RORB: variants seen among roughly 807,000 people sequenced by gnomAD.
RORB encodes nuclear receptor ROR-beta.
In RORB, 6 loss-of-function variants were observed where a neutral mutation model predicts 59.1. The observed-to-expected ratio is 0.10, with a 90% confidence interval of 0.06 to 0.20. The LOEUF (loss-of-function observed/expected upper bound fraction) is 0.20. Among genes scored for constraint, RORB ranks in the 10% least tolerant of loss-of-function variants. The pLI, the probability that RORB is intolerant of heterozygous loss-of-function variation, is 1.00. For synonymous variants in RORB, 215 were observed against 204.5 expected (o/e 1.05, Z -0.44); for missense variants, 320 against 560.5 (o/e 0.57, Z 4.33).
rs568707981 is a variant in RORB at position 74,600,333 on chromosome 9, C to G, written c.8-29949C>G. On this transcript the variant is annotated intron_variant, in intron 1 of 9. Transcript: ENST00000376896. ...TAGACAGACCAAAAATATTTTCAGA[C>G]GTGATGGTGTCTTTAATCACATTAT... is the stretch of plus-strand genomic sequence containing the variant. Among the ~76,000 whole-genome samples, 56 of 152,284 alleles carry G rather than the reference C, an allele frequency of 3.7e-4. No homozygotes were observed. In the East Asian group the frequency reaches 9.5e-3, roughly 26 times the overall value.
At chr9:74,614,389 TA>T (rs201017715) in intron 1 of RORB, among the ~76,000 whole-genome samples, 8 of 151,606 alleles carry the variant, frequency 5.3e-5, no homozygotes, top group Non-Finnish European at 8.8e-5. Context: ...CTCTTTTTTT[TA>T]AAAAAAAGCC....
chr9:74,605,129 T>C (rs1008219484), intron 1 of RORB, among the ~76,000 whole-genome samples: 3 of 152,214 alleles, frequency 2.0e-5, no homozygotes, highest in Admixed American at 1.3e-4. Flanking sequence ...TAATATGTTT[T>C]CATTCAGTCC....
At chr9:74,594,115 C>G (rs1215159755) in intron 1 of RORB, among the ~76,000 whole-genome samples, 2 of 152,152 alleles carry the variant, frequency 1.3e-5, no homozygotes, top group Admixed American at 6.6e-5. Context: ...TTCTGGATGG[C>G]TGAGACTTCA....
At chr9:74,599,768 T>C (rs1234865989) in intron 1 of RORB, among the ~76,000 whole-genome samples, 1 of 152,208 alleles carries the variant, frequency 6.6e-6, no homozygotes, top group East Asian at 1.9e-4. Context: ...CTCCATGCCC[T>C]GGCTGTTTTA....
At chr9:74,658,736 A>G (rs2118505873) in intron 4 of RORB, among the ~76,000 whole-genome samples, 1 of 152,356 alleles carries the variant, frequency 6.6e-6, no homozygotes, top group East Asian at 1.9e-4. Flanking sequence ...CCCCGGTGAA[A>G]TTGAAAAATG....
intron 5 of RORB, among the ~76,000 whole-genome samples, chr9:74,661,792 C>T (rs1269888322): frequency 1.2e-5 from 1 of 86,766 alleles, no homozygotes; most frequent in East Asian, 5.4e-4. Flanking sequence ...CTACAGGCGC[C>T]CCCCCACCAC....
intron 1 of RORB, among the ~76,000 whole-genome samples, chr9:74,622,865 C>T (rs1823447383): frequency 6.6e-6 from 1 of 152,050 alleles, no homozygotes; most frequent in African/African-American, 2.4e-5. Flanking sequence ...GAGCAAAATG[C>T]TGCATGTCTA....
chr9:74,575,083 C>T (rs375238837), intron 1 of RORB, among the ~76,000 whole-genome samples: 25 of 152,204 alleles, frequency 1.6e-4, no homozygotes, highest in African/African-American at 6.0e-4. Flanking sequence ...ACAATGAGTA[C>T]GGACACCTTA....
chr9:74,502,476 G>A (rs951422579), intron 1 of RORB, among the ~76,000 whole-genome samples: 1 of 151,804 alleles, frequency 6.6e-6, no homozygotes, highest in African/African-American at 2.4e-5. Context: ...TGGCCTATAT[G>A]GTTTTTAGAC....
intron 1 of RORB, among the ~76,000 whole-genome samples, chr9:74,513,353 T>G (rs1265535824): frequency 6.6e-6 from 1 of 152,114 alleles, no homozygotes; most frequent in Non-Finnish European, 1.5e-5. Context: ...TTTTAATATT[T>G]ATTCTTATAT....
intron 1 of RORB, among the ~76,000 whole-genome samples, chr9:74,517,691 AT>A (rs1222791619): frequency 4.6e-5 from 7 of 152,004 alleles, no homozygotes; most frequent in African/African-American, 1.7e-4. Context: ...TTAGTGTTTA[AT>A]TTCTAGAAAT....
chr9:74,535,385 G>A (rs1826307073), intron 1 of RORB, among the ~76,000 whole-genome samples: 2 of 151,932 alleles, frequency 1.3e-5, no homozygotes, highest in African/African-American at 4.8e-5. Context: ...CCTGGCTAAT[G>A]AGAATATGTG....
At chr9:74,515,559 G>C (rs959774639) in intron 1 of RORB, among the ~76,000 whole-genome samples, 1 of 151,884 alleles carries the variant, frequency 6.6e-6, no homozygotes, top group African/African-American at 2.4e-5. Flanking sequence ...CATAACTTTT[G>C]AAGATTCCTC....
chr9:74,606,158 C>T (rs1207393607), intron 1 of RORB, among the ~76,000 whole-genome samples: 1 of 152,182 alleles, frequency 6.6e-6, no homozygotes, highest in Non-Finnish European at 1.5e-5. Context: ...AACACAATGC[C>T]TGGCTCCTAC....
Position 74,511,332 on chromosome 9 carries a change from A to G in RORB, c.7+13349A>G, listed in dbSNP as rs1328205625. Among the ~76,000 whole-genome samples the G allele has an allele frequency of 2.0e-5, 3 of 152,226 alleles. 1 individual carries two copies. Among genetic ancestry groups the G allele is most frequent in the Admixed American group, 1.3e-4 (2 of 15,276 alleles). ...TAAAATGCAAAATTGTATGTACTAT[A>G]TGATTTAAATTAAATAAAAATCCAT... On this transcript the variant is annotated intron_variant, in intron 1 of 9. Coordinates refer to ENST00000376896, the MANE Select transcript of RORB (RefSeq NM_006914.4).
chr9:74,644,437 G>A (rs762749857), intron 4 of RORB, among the ~76,000 whole-genome samples: 3 of 152,094 alleles, frequency 2.0e-5, no homozygotes, highest in African/African-American at 4.8e-5. Context: ...TAGTATTTCT[G>A]TTATACAGAT....
In RORB at chr9:74,641,020, C is replaced by T. The variant is rs141549952; in HGVS notation, c.236-1394C>T. ...TCATGATTGAATCCAGGAACTGAGC[C>T]TTTTTCTAAACTCCATTTCCTTCTT... On this transcript the variant is annotated intron_variant, in intron 3 of 9. Transcript: ENST00000376896. Among the ~76,000 whole-genome samples, 488 of 152,250 alleles carry T rather than the reference C, an allele frequency of 3.2e-3. 3 individuals are homozygous for T. The highest frequency in any genetic ancestry group is 0.011 in the East Asian group (56 of 5,176).
At position 74,604,371 on chromosome 9, in the gene RORB, C is replaced by T. The variant is rs561489390; in HGVS notation, c.8-25911C>T. On this transcript the variant is annotated intron_variant, in intron 1 of 9. Transcript: ENST00000376896. The stretch of plus-strand genomic sequence containing the variant: ...AGGCAGCTGTGCATTCAACACATCA[C>T]CCATCAACTGCCTTTAGCAAACAGA... 9.9e-4 allele frequency among the ~76,000 whole-genome samples: 151 copies of T among 152,278 alleles called. 1 individual carries two copies. Among genetic ancestry groups the T allele is most frequent in the Middle Eastern group, 6.8e-3 (2 of 294 alleles).
At chr9:74,532,802 A>G (rs550393250) in intron 1 of RORB, among the ~76,000 whole-genome samples, 16 of 134,954 alleles carry the variant, frequency 1.2e-4, no homozygotes, top group African/African-American at 4.8e-4. Context: ...ATACATAGAT[A>G]CGTATATATA....
Sources: allele counts gnomAD v4.1 joint callset (sites outside exome capture counted in the v4.1 genomes callset), GRCh38; gene constraint gnomAD v4.1.1; transcripts MANE v1.5; gene names NCBI Gene and HGNC (gene_info 2026-07-23, HGNC 2026-07-21).